The following GPATCH2L variants were observed in gnomAD, a reference collection of about 807,000 sequenced individuals.
GPATCH2L encodes the protein G patch domain-containing protein 2-like.
A neutral mutation model predicts 57.4 loss-of-function variants in GPATCH2L; 31 were observed. The observed-to-expected ratio is 0.54, with a 90% CI of 0.41 to 0.73. GPATCH2L has a LOEUF of 0.73. Among genes scored for constraint, GPATCH2L ranks in the 30% least tolerant of loss-of-function variants. The probability of loss-of-function intolerance (pLI) is 0.00; values close to 1 mark genes in which losing one functional copy is unlikely to be tolerated. For synonymous variants in GPATCH2L, 199 were observed against 210.7 expected, an observed-to-expected ratio of 0.94 and a Z score of 0.48; for missense variants, 481 against 599.9, an observed-to-expected ratio of 0.80 and a Z score of 2.07.
intron 2 of GPATCH2L, among the ~76,000 whole-genome samples, chr14:76,233,909 G>C (rs575240011): frequency 3.9e-5 from 6 of 152,034 alleles, no homozygotes; most frequent in Non-Finnish European, 8.8e-5. Context: ...TTTGGGACTA[G>C]TCTAGGCAAC....
At chr14:76,227,578 G>C (rs887268814) in intron 1 of GPATCH2L, among the ~76,000 whole-genome samples, 1 of 152,242 alleles carries the variant, frequency 6.6e-6, no homozygotes, top group African/African-American at 2.4e-5. Flanking sequence ...CATCCTTGCA[G>C]GTCATTTGTG....
At chr14:76,225,415 T>C (rs1484210402) in intron 1 of GPATCH2L, among the ~76,000 whole-genome samples, 2 of 152,094 alleles carry the variant, frequency 1.3e-5, no homozygotes, top group Non-Finnish European at 2.9e-5. Flanking sequence ...ACAGGTAATA[T>C]ACATCTTGAT....
intron 2 of GPATCH2L, among the ~76,000 whole-genome samples, chr14:76,161,100 G>C (rs1449281062): frequency 1.3e-5 from 2 of 152,090 alleles, no homozygotes; most frequent in Non-Finnish European, 2.9e-5. Context: ...CCTCAGTCTT[G>C]TTTACTACTA....
At position 76,212,674 on chromosome 14, in the gene GPATCH2L, G is replaced by A. The variant is rs1013103795; in HGVS notation, c.*10823G>A. ...ATGCATATTAGACTTTACCCTAAAA[G>A]TGGTAACTACACTTCAAAGTATCCA... On this transcript the variant is annotated 3_prime_UTR_variant, in exon 10 of 10. Transcript: ENST00000261530. 7 of 152,116 alleles carry A rather than the reference G, an allele frequency of 4.6e-5. No individual in the cohort carries two copies. Among genetic ancestry groups the A allele is most frequent in the African/African-American group, 1.2e-4 (5 of 41,452 alleles). The allele number at this position is 152,116 out of a possible 1,614,324, so 9.4% of individuals were successfully genotyped here.
rs1566771372 is a variant in GPATCH2L at position 76,159,584 on chromosome 14, A to C, written c.662+4559A>C. Among the ~76,000 whole-genome samples, 5 of 151,894 alleles carry C rather than the reference A, an allele frequency of 3.3e-5. No homozygotes were observed. In the South Asian group the frequency reaches 8.3e-4, roughly 25 times the overall value. The stretch of plus-strand genomic sequence containing the variant: ...ACTGAGATAGGATCATCTAACCCTC[A>C]CTGCTTGATTCTGACCCCATTCCAG... On this transcript the variant is annotated intron_variant, in intron 2 of 9. Transcript: ENST00000261530.
At chr14:76,152,491 A>G in intron 1 of GPATCH2L, 1 of 333,940 alleles carries the variant, frequency 3.0e-6, no homozygotes, top group South Asian at 2.3e-5. Flanking sequence ...TCCGCCCCTC[A>G]CTTCCACCCT....
rs142484292 is a variant in GPATCH2L at position 76,154,771 on chromosome 14, A to G, written c.408A>G (p.Thr136=). The part of the protein sequence containing the change: ...LRRRRKVKRV[T]SEVAASLQQK... ...GCAGGCGGAAGGTGAAGCGAGTGAC[A>G]TCAGAGGTGGCTGCTAGCCTTCAGC... The change falls in exon 2 of 10, where the codon ACA becomes ACG. Residue 136 remains threonine (T), a synonymous_variant. Coordinates refer to ENST00000261530, the MANE Select transcript of GPATCH2L (RefSeq NM_017926.4). The surrounding 1 kb of genome is among the most constrained non-coding windows in gnomAD (Gnocchi z 4.4). 8.1e-6 allele frequency: 13 copies of G among 1,614,236 alleles called. No homozygotes were observed. In the African/African-American group the frequency reaches 1.3e-4, roughly 17 times the overall value.
intron 3 of GPATCH2L, among the ~76,000 whole-genome samples, chr14:76,169,150 T>C (rs2038975238): frequency 6.6e-6 from 1 of 152,192 alleles, no homozygotes; most frequent in African/African-American, 2.4e-5. Flanking sequence ...CATTTAAATG[T>C]GCCATGTGTT....
At chr14:76,174,521 A>G (rs1020164708) in intron 5 of GPATCH2L, 6 of 152,246 alleles carry the variant, frequency 3.9e-5, no homozygotes, top group Non-Finnish European at 7.3e-5. Flanking sequence ...ACTGTTTTAT[A>G]GTCTGACCAG....
At chr14:76,230,655 A>G (rs1481245457) in intron 2 of GPATCH2L, among the ~76,000 whole-genome samples, 3 of 152,202 alleles carry the variant, frequency 2.0e-5, no homozygotes, top group Non-Finnish European at 4.4e-5. Flanking sequence ...AAGAGCACCA[A>G]TCCTCATCTT....
chr14:76,200,673 T>C (rs2040288157), intron 9 of GPATCH2L, among the ~76,000 whole-genome samples: 1 of 152,226 alleles, frequency 6.6e-6, no homozygotes. Flanking sequence ...TGGTTGTACA[T>C]GTAAATCTGA....
intron 2 of GPATCH2L, among the ~76,000 whole-genome samples, chr14:76,158,664 T>G (rs1270788911): frequency 6.6e-6 from 1 of 152,208 alleles, no homozygotes; most frequent in Non-Finnish European, 1.5e-5. Context: ...TAAAAGAATA[T>G]GTATGGTAGG....
chr14:76,210,363 A>T lies in GPATCH2L; in HGVS notation c.*8512A>T, dbSNP rs959818741. The T allele has an allele frequency of 6.6e-6, 1 of 152,182 alleles. No homozygotes were observed. Among genetic ancestry groups the T allele is most frequent in the Admixed American group, 6.5e-5 (1 of 15,270 alleles). 9.4% of individuals were successfully genotyped at this position (152,182 alleles called of 1,614,324 possible). On this transcript the variant is annotated 3_prime_UTR_variant, in exon 10 of 10. Coordinates refer to ENST00000261530, the MANE Select transcript of GPATCH2L (RefSeq NM_017926.4). ...GTTAAAGAGTGTCTGTTCCCAATCA[A>T]TACCTCTGCTGCCTCTTTTTACAAA...
At chr14:76,180,905 A>G (rs373079126) in intron 8 of GPATCH2L, 56 bp downstream of exon 8, 24 of 1,011,120 alleles carry the variant, frequency 2.4e-5, no homozygotes, top group East Asian at 7.1e-5. Flanking sequence ...ATTCCTTTCT[A>G]TTACCCCTCA....
At chr14:76,196,094 A>T (rs775401370) in intron 9 of GPATCH2L, 122 bp downstream of exon 9, 5 of 812,220 alleles carry the variant, frequency 6.2e-6, no homozygotes, top group Non-Finnish European at 1.1e-5. Flanking sequence ...CCCACTTTAC[A>T]TGGGAAAACT....
rs181182594 is a variant in GPATCH2L at position 76,203,859 on chromosome 14, T to G, written c.*2008T>G. ...TTGAGAGAAATCTGTGGACGTAATT[T>G]TTTGTTTGTGTCAAGCTCTATGACT... is the stretch of plus-strand genomic sequence containing the variant. On this transcript the variant is annotated 3_prime_UTR_variant, in exon 10 of 10. Transcript: ENST00000261530. 6.6e-6 allele frequency: 1 copy of G among 152,284 alleles called. No homozygotes were observed. The highest frequency in any genetic ancestry group is 2.4e-5 in the African/African-American group (1 of 41,548). The allele number at this position is 152,284 out of a possible 1,614,324, so 9.4% of individuals were successfully genotyped here.
intron 1 of GPATCH2L, among the ~76,000 whole-genome samples, chr14:76,227,441 A>G (rs1197276162): frequency 3.3e-5 from 5 of 152,202 alleles, no homozygotes; most frequent in African/African-American, 1.2e-4. Flanking sequence ...GGACTCAGGC[A>G]GGAATGATTG....
intron 2 of GPATCH2L, among the ~76,000 whole-genome samples, chr14:76,158,238 C>T (rs570522748): frequency 1.3e-5 from 2 of 152,292 alleles, no homozygotes; most frequent in South Asian, 2.1e-4. Context: ...AAATATTCTC[C>T]TCTCTTGGAA....
chr14:76,173,660 G>C lies in GPATCH2L; in HGVS notation c.984+35G>C, dbSNP rs762956350. The C allele has an allele frequency of 5.6e-6, 7 of 1,248,838 alleles. No homozygotes were observed. In the Admixed American group the frequency reaches 6.7e-5, roughly 12 times the overall value. 77.4% of individuals were successfully genotyped at this position (1,248,838 alleles called of 1,614,324 possible). On this transcript the variant is annotated intron_variant, in intron 5 of 9. Transcript: ENST00000261530. Reference sequence around the variant, plus strand: ...CTCACAGTTAGCTTGGCTCAGTGGGGAGATAATATTCCCTATGGGAGTTGT... The same window carrying C: ...CTCACAGTTAGCTTGGCTCAGTGGGCAGATAATATTCCCTATGGGAGTTGT...
Sources: allele counts gnomAD v4.1 joint callset (sites outside exome capture counted in the v4.1 genomes callset), GRCh38; gene constraint gnomAD v4.1.1; non-coding constraint Gnocchi (gnomAD v3.1); transcripts MANE v1.5; gene names NCBI Gene and HGNC (gene_info 2026-07-23, HGNC 2026-07-21).